B4GALNT3: variants seen among roughly 807,000 people sequenced by gnomAD.
B4GALNT3 encodes beta-1,4-N-acetylgalactosaminyltransferase 3.
Under a neutral mutation model 120.2 loss-of-function variants are expected in B4GALNT3, and 86 were observed. That is an observed-to-expected ratio of 0.72 (90% CI 0.60 to 0.86). The LOEUF is 0.86. Among genes scored for constraint, B4GALNT3 ranks in the 40% least tolerant of loss-of-function variants. The pLI is 0.00. For synonymous variants in B4GALNT3, 518 were observed against 510.4 expected, an observed-to-expected ratio of 1.01 and a Z score of -0.20; for missense variants, 1,167 against 1,298.9, an observed-to-expected ratio of 0.90 and a Z score of 1.56.
intron 1 of B4GALNT3, among the ~76,000 whole-genome samples, chr12:521,681 A>C (rs938302849): frequency 6.6e-6 from 1 of 152,134 alleles, no homozygotes; most frequent in Non-Finnish European, 1.5e-5. Context: ...GAACATCCAA[A>C]ATGCCACGTT....
chr12:494,347 A>G (rs4980923), intron 1 of B4GALNT3, among the ~76,000 whole-genome samples: 111,988 of 151,382 alleles, frequency 0.74, 41,541 homozygotes, highest in South Asian at 0.79. Context: ...CCGTTCTTAA[A>G]TGTAAAGACT....
chr12:489,798 A>G (rs1292659354), intron 1 of B4GALNT3, among the ~76,000 whole-genome samples: 1 of 152,230 alleles, frequency 6.6e-6, no homozygotes, highest in African/African-American at 2.4e-5. Context: ...TCATCCAGCA[A>G]TAGCAGATTA....
chr12:470,398 C>T (rs1261982057), intron 1 of B4GALNT3, among the ~76,000 whole-genome samples: 2 of 152,278 alleles, frequency 1.3e-5, no homozygotes, highest in South Asian at 2.1e-4. Context: ...CGAATGTGTG[C>T]AGTGTGTGCT....
chr12:519,839 C>T (rs1946689375), intron 1 of B4GALNT3, among the ~76,000 whole-genome samples: 1 of 152,192 alleles, frequency 6.6e-6, no homozygotes, highest in Non-Finnish European at 1.5e-5. Context: ...GAGGTGAGCT[C>T]CTCACTCAGC....
intron 1 of B4GALNT3, among the ~76,000 whole-genome samples, chr12:490,980 A>G (rs933941408): frequency 2.0e-5 from 3 of 152,090 alleles, no homozygotes; most frequent in African/African-American, 4.8e-5. Context: ...TTTCTCTACA[A>G]TCTCTTCTAG....
chr12:477,097 C>T (rs375372540), intron 1 of B4GALNT3, among the ~76,000 whole-genome samples: 3 of 152,160 alleles, frequency 2.0e-5, no homozygotes, highest in East Asian at 1.9e-4. Flanking sequence ...AATCAACCTG[C>T]CCATATAGCA....
At chr12:497,128 C>G (rs1389063537) in intron 1 of B4GALNT3, among the ~76,000 whole-genome samples, 2 of 152,032 alleles carry the variant, frequency 1.3e-5, no homozygotes, top group Non-Finnish European at 2.9e-5. Context: ...GGCCATCGCT[C>G]CTGGCTTTCA....
In B4GALNT3 at chr12:460,530, A is replaced by G; in HGVS notation, c.154A>G (p.Asn52Asp). Residue 52 changes from asparagine to aspartate, a missense_variant, in exon 1 of 20, where the codon AAC becomes GAC. Physicochemically the swap from Asn to Asp is conservative, Grantham distance 23. Coordinates refer to ENST00000266383, the MANE Select transcript of B4GALNT3 (RefSeq NM_173593.4). The surrounding 1 kb of genome is among the most constrained non-coding windows in gnomAD (Gnocchi z 8.0). ...ELVASAQVGGNPLNRRYGSWR... is the reference protein window; with the variant it reads ...ELVASAQVGGDPLNRRYGSWR... ...GGTGGCGTCGGCCCAGGTCGGCGGG[A>G]ACCCCCTGAACCGGAGTAAGTAGCA... The G allele has an allele frequency of 6.6e-7, 1 of 1,521,426 alleles. No individual in the cohort carries two copies. The highest frequency in any genetic ancestry group is 8.9e-7 in the Non-Finnish European group (1 of 1,129,662). 94.2% of individuals were successfully genotyped at this position (1,521,426 alleles called of 1,614,324 possible).
intron 1 of B4GALNT3, among the ~76,000 whole-genome samples, chr12:528,337 C>G (rs1190584484): frequency 6.6e-6 from 1 of 152,130 alleles, no homozygotes; most frequent in Non-Finnish European, 1.5e-5. Flanking sequence ...GCCATCCTCC[C>G]ACCTCAGCCT....
chr12:537,787 G>T lies in B4GALNT3; in HGVS notation c.351+1492G>T, dbSNP rs554556895. Among the ~76,000 whole-genome samples the T allele has an allele frequency of 3.9e-5, 6 of 152,296 alleles. No homozygotes were observed. In the East Asian group the frequency reaches 1.2e-3, roughly 29 times the overall value. ...TACTTTTCTTGGCTGGGTGGTACGG[G>T]CTAGCTCATTGTCTTCATCCATACC... On this transcript the variant is annotated intron_variant, in intron 3 of 19. Transcript: ENST00000266383.
At position 536,232 on chromosome 12, in the gene B4GALNT3, C is replaced by G. The variant is rs1366427940; in HGVS notation, c.288C>G (p.Asp96Glu). The change falls in exon 3 of 20, where the codon GAC becomes GAG. Residue 96 changes from aspartate (D) to glutamate (E), a missense_variant. Transcript: ENST00000266383. ...QRLSLEDHDI[D>E]QGVSSNSSYL... ...TCTTCCCCTAGGACCACGACATTGA[C>G]CAAGGGGTGAGCAGTAACAGCAGCT... The G allele has an allele frequency of 6.2e-7, 1 of 1,614,030 alleles. No homozygotes were observed. The highest frequency in any genetic ancestry group is 1.7e-5 in the Admixed American group (1 of 60,006).
chr12:555,486 T>A (rs1947141531), intron 14 of B4GALNT3: 1 of 411,854 alleles, frequency 2.4e-6, no homozygotes, highest in Admixed American at 2.7e-5. Context: ...CATTCATCCG[T>A]TGAAGGACAT....
At chr12:554,067 A>G in intron 14 of B4GALNT3, 84 bp downstream of exon 14, 1 of 933,204 alleles carries the variant, frequency 1.1e-6, no homozygotes, top group South Asian at 1.5e-5. Context: ...AAGGGCTGGT[A>G]GTGGGTTCCC....
chr12:483,836 A>G (rs1388344794), intron 1 of B4GALNT3, among the ~76,000 whole-genome samples: 1 of 152,202 alleles, frequency 6.6e-6, no homozygotes, highest in African/African-American at 2.4e-5. Flanking sequence ...TCAGAGTTTC[A>G]TGGTGAATCT....
In B4GALNT3 at chr12:550,804, G is replaced by A. The variant is rs1045709428; in HGVS notation, c.998-118G>A. The A allele has an allele frequency of 2.5e-5, 20 of 808,898 alleles. No homozygotes were observed. Among genetic ancestry groups the A allele is most frequent in the African/African-American group, 1.6e-4 (9 of 57,694 alleles). 50.1% of individuals were successfully genotyped at this position (808,898 alleles called of 1,614,324 possible). On this transcript the variant is annotated intron_variant, in intron 10 of 19. Coordinates refer to ENST00000266383, the MANE Select transcript of B4GALNT3 (RefSeq NM_173593.4). The surrounding 1 kb of genome is among the most constrained non-coding windows in gnomAD (Gnocchi z 4.1). The stretch of plus-strand genomic sequence containing the variant: ...CCAGCTGGCAGCCTCAGCCACAGAC[G>A]TCGGCAGAACACAGCTGCCGCTTGC...
At chr12:532,399 A>T (rs1946817328) in intron 1 of B4GALNT3, among the ~76,000 whole-genome samples, 2 of 152,222 alleles carry the variant, frequency 1.3e-5, no homozygotes, top group African/African-American at 2.4e-5. Context: ...ACTGCACACT[A>T]GTTACAGGTC....
intron 1 of B4GALNT3, among the ~76,000 whole-genome samples, chr12:521,907 G>A (rs899554460): frequency 6.6e-6 from 1 of 152,100 alleles, no homozygotes; most frequent in African/African-American, 2.4e-5. Flanking sequence ...TTCCACACAG[G>A]CTAGTGGACT....
chr12:488,051 G>A (rs12322033), intron 1 of B4GALNT3, among the ~76,000 whole-genome samples: 135 of 152,154 alleles, frequency 8.9e-4, no homozygotes, highest in African/African-American at 3.1e-3. Flanking sequence ...CTCAGAAACC[G>A]GGTATGGGCC....
At chr12:525,701 T>C (rs1364138577) in intron 1 of B4GALNT3, among the ~76,000 whole-genome samples, 1 of 152,158 alleles carries the variant, frequency 6.6e-6, no homozygotes, top group Non-Finnish European at 1.5e-5. Flanking sequence ...TGGAAAGGAA[T>C]AGGAGGAAGA....
Sources: gnomAD v4.1 joint callset for allele counts (sites outside exome capture counted in the v4.1 genomes callset) on GRCh38, gnomAD v4.1.1 for gene constraint, Gnocchi (gnomAD v3.1) non-coding constraint, MANE v1.5 for transcripts, NCBI Gene and HGNC (gene_info 2026-07-23, HGNC 2026-07-21) for gene names.